PLAC1: variants seen among roughly 807,000 people sequenced by gnomAD.
The protein encoded by PLAC1 is placenta associated 1, also known as placenta-specific protein 1.
For missense variants in PLAC1, 136 were observed against 163.2 expected, an observed-to-expected ratio of 0.83 and a Z score of 0.91; for synonymous variants, 68 against 62.1, an observed-to-expected ratio of 1.09 and a Z score of -0.44.
At chrX:134,613,389 G>A (rs1038009226) in intron 1 of PLAC1, among the ~76,000 whole-genome samples, 5 of 110,519 alleles carry the variant, frequency 4.5e-5, no homozygotes, top group Non-Finnish European at 9.4e-5. Flanking sequence ...GGGCAGAGGC[G>A]GAGGAAGGGG....
intron 1 of PLAC1, among the ~76,000 whole-genome samples, chrX:134,735,940 A>G (rs2078701851): frequency 9.6e-6 from 1 of 103,703 alleles, no homozygotes; most frequent in Admixed American, 1.0e-4. Context: ...CCCCAATGTC[A>G]TATAATCTGT....
intron 1 of PLAC1, among the ~76,000 whole-genome samples, chrX:134,749,357 C>T (rs1339425479): frequency 1.8e-5 from 2 of 111,545 alleles, no homozygotes; most frequent in African/African-American, 3.3e-5. Flanking sequence ...CAAACAGGCA[C>T]GGTGACGTTT....
chrX:134,696,217 C>T (rs2078562490), intron 2 of PLAC1, among the ~76,000 whole-genome samples: 1 of 111,381 alleles, frequency 9.0e-6, no homozygotes, highest in African/African-American at 3.3e-5. Context: ...ACTTTTGTAA[C>T]TCAAGGCCAG....
chrX:134,656,282 G>A (rs1275106941), intron 1 of PLAC1, among the ~76,000 whole-genome samples: 2 of 112,133 alleles, frequency 1.8e-5, no homozygotes, highest in African/African-American at 6.5e-5. Flanking sequence ...ATTACTTGCT[G>A]AGTGGCCTTA....
chrX:134,599,757 T>C (rs1018965301), intron 2 of PLAC1, among the ~76,000 whole-genome samples: 8 of 111,719 alleles, frequency 7.2e-5, no homozygotes, highest in Non-Finnish European at 1.3e-4. Flanking sequence ...AGCATTTGCA[T>C]TTTTCATGTT....
chrX:134,567,739 C>CAGAG (rs770559094), intron 2 of PLAC1, among the ~76,000 whole-genome samples: 1 of 84,180 alleles, frequency 1.2e-5, no homozygotes, highest in Admixed American at 1.7e-4. Context: ...GCCTGGGCAA[C>CAGAG]AGAGAGAGAG....
rs1185530130 is a variant in PLAC1, at chrX:134,566,541, C to T, written c.142G>A (p.Val48Met). 1 of 1,211,909 alleles carries T rather than the reference C, an allele frequency of 8.3e-7. No individual in the cohort carries two copies. Among genetic ancestry groups the T allele is most frequent in the Non-Finnish European group, 1.1e-6 (1 of 895,484 alleles). Residue 48 changes from valine (V) to methionine (M), a missense_variant, in exon 3 of 3, where the codon GTG (valine) becomes ATG (methionine). Physicochemically the swap from Val to Met is conservative, Grantham distance 21 (BLOSUM62 1). Coordinates refer to ENST00000359237, the MANE Select transcript of PLAC1 (RefSeq NM_021796.4). ...TVHPFMLNNDVCVHFHELHLG... is the reference protein window; with the variant it reads ...TVHPFMLNNDMCVHFHELHLG... ...TGTAGTTCATGAAAGTGTACACACA[C>T]ATCGTTGTTTAGCATGAAGGGGTGC...
intron 1 of PLAC1, among the ~76,000 whole-genome samples, chrX:134,632,578 A>G (rs1192454217): frequency 9.0e-6 from 1 of 111,137 alleles, no homozygotes; most frequent in East Asian, 2.8e-4. Context: ...TGGCTCCTCC[A>G]CAGATCTAAC....
intron 2 of PLAC1, among the ~76,000 whole-genome samples, chrX:134,596,585 T>C (rs1165389182): frequency 8.9e-6 from 1 of 112,086 alleles, no homozygotes; most frequent in Admixed American, 9.5e-5. Context: ...AGTTTCTCTG[T>C]CAAATTATTG....
At chrX:134,594,037 G>A (rs4830298) in intron 2 of PLAC1, among the ~76,000 whole-genome samples, 1,838 of 110,945 alleles carry the variant, frequency 0.017, 13 homozygotes, top group Non-Finnish European at 0.024. Context: ...TTAGTTGTAG[G>A]GGTTTTTTTG....
intron 1 of PLAC1, among the ~76,000 whole-genome samples, chrX:134,754,734 G>A (rs1419253854): frequency 9.9e-6 from 1 of 100,642 alleles, no homozygotes; most frequent in Non-Finnish European, 2.0e-5. Context: ...TTACAAATGT[G>A]CTACATTTCG....
intron 1 of PLAC1, among the ~76,000 whole-genome samples, chrX:134,643,010 T>C (rs1385554458): frequency 9.1e-6 from 1 of 110,103 alleles, no homozygotes; most frequent in Non-Finnish European, 1.9e-5. Flanking sequence ...AAATCAGATA[T>C]GAAGGGTGGG....
chrX:134,688,567 T>C (rs933319014), intron 2 of PLAC1, among the ~76,000 whole-genome samples: 5 of 112,163 alleles, frequency 4.5e-5, no homozygotes, highest in African/African-American at 1.6e-4. Flanking sequence ...TACACCATGG[T>C]TTTTCTCTTT....
intron 1 of PLAC1, among the ~76,000 whole-genome samples, chrX:134,612,523 A>G (rs1410375757): frequency 1.8e-5 from 2 of 111,997 alleles, no homozygotes; most frequent in Non-Finnish European, 3.8e-5. Flanking sequence ...TCTATCCAGC[A>G]AAGTTTCAAA....
intron 2 of PLAC1, among the ~76,000 whole-genome samples, chrX:134,714,954 G>A (rs1006910782): frequency 1.8e-5 from 2 of 111,543 alleles, no homozygotes; most frequent in Non-Finnish European, 3.8e-5. Context: ...TAAACATTAG[G>A]AATGCACACC....
intron 1 of PLAC1, among the ~76,000 whole-genome samples, chrX:134,759,400 C>T (rs1023439255): frequency 3.1e-4 from 35 of 111,428 alleles, no homozygotes; most frequent in African/African-American, 1.0e-3. Flanking sequence ...CCACCCGCCT[C>T]GGCCTCCCAA....
chrX:134,573,292 CT>C (rs983617484), intron 2 of PLAC1, among the ~76,000 whole-genome samples: 1 of 111,940 alleles, frequency 8.9e-6, no homozygotes, highest in Non-Finnish European at 1.9e-5. Context: ...ATGTATGCCC[CT>C]AATTCAGTTT....
chrX:134,566,446 T>C lies in PLAC1; in HGVS notation c.237A>G (p.Glu79=). The C allele has an allele frequency of 8.3e-7, 1 of 1,211,980 alleles. No individual in the cohort carries two copies. Among genetic ancestry groups the C allele is most frequent in the Non-Finnish European group, 1.1e-6 (1 of 895,503 alleles). The change falls in exon 3 of 3, where the codon GAA becomes GAG. Residue 79 remains glutamate, a synonymous_variant. Coordinates refer to ENST00000359237, the MANE Select transcript of PLAC1 (RefSeq NM_021796.4). ...HAYQFTYRVT[E]CGIRAKAVSQ... ...AGACAGCTTTGGCCCTGATGCCACA[T>C]TCAGTAACACGGTAGGTGAACTGGT...
upstream of PLAC1, among the ~76,000 whole-genome samples, chrX:134,663,432 A>G (rs866191850): frequency 6.5e-5 from 7 of 108,465 alleles, no homozygotes; most frequent in South Asian, 7.8e-4. Flanking sequence ...AAATAAAGAT[A>G]TGTGTGTGTG....
Sources: gnomAD v4.1 joint callset for allele counts (sites outside exome capture counted in the v4.1 genomes callset) on GRCh38, gnomAD v4.1.1 for gene constraint, MANE v1.5 for transcripts, NCBI Gene and HGNC (gene_info 2026-07-23, HGNC 2026-07-21) for gene names.